RBMS3: variants seen among roughly 807,000 people sequenced by gnomAD.
RBMS3 encodes the protein RNA binding motif single stranded interacting protein 3.
RBMS3 carries 27 observed loss-of-function variants against 66.8 expected under a neutral mutation model. That is an observed-to-expected ratio of 0.40 (90% CI 0.30 to 0.56). RBMS3 has a LOEUF of 0.56. Ranked by LOEUF, RBMS3 falls within the 20% of genes least tolerant of loss-of-function variation. RBMS3 has a pLI of 0.40. For synonymous variants in RBMS3, 188 were observed against 183.0 expected, an observed-to-expected ratio of 1.03 and a Z score of -0.22; for missense variants, 513 against 549.5, an observed-to-expected ratio of 0.93 and a Z score of 0.66.
intron 3 of RBMS3, among the ~76,000 whole-genome samples, chr3:29,510,706 A>C (rs2044365041): frequency 6.6e-6 from 1 of 152,172 alleles, no homozygotes; most frequent in African/African-American, 2.4e-5. Context: ...AAACATTTCA[A>C]ATTTTAGAGC....
chr3:29,355,597 T>C (rs1357668317), intron 1 of RBMS3, among the ~76,000 whole-genome samples: 1 of 152,038 alleles, frequency 6.6e-6, no homozygotes, highest in Non-Finnish European at 1.5e-5. Flanking sequence ...ACCTGTTTAA[T>C]TGGGAAATAT....
At position 29,587,151 on chromosome 3, in the gene RBMS3, A is replaced by G; in HGVS notation, c.345A>G (p.Ala115=). 6.2e-7 allele frequency: 1 copy of G among 1,609,858 alleles called. No homozygotes were observed. The highest frequency in any genetic ancestry group is 8.5e-7 in the Non-Finnish European group (1 of 1,178,694). Residue 115 remains alanine, a synonymous_variant, in exon 4 of 15, where the codon GCA becomes GCG. Coordinates refer to ENST00000383767, the MANE Select transcript of RBMS3 (RefSeq NM_001003793.3). ...TAGATTTTGACAGTCCTGCAGCCGCACAGAAAGCGGTAGCATCTCTCAAGG... is the reference window on the plus strand; with the variant it reads ...TAGATTTTGACAGTCCTGCAGCCGCGCAGAAAGCGGTAGCATCTCTCAAGG... ...GFVDFDSPAA[A]QKAVASLKAN... is the part of the protein sequence containing the mutation.
chr3:29,780,222 CT>C (rs930362142), intron 6 of RBMS3, among the ~76,000 whole-genome samples: 4 of 151,520 alleles, frequency 2.6e-5, no homozygotes, highest in African/African-American at 9.7e-5. Context: ...AGATATGCCC[CT>C]GAGCGCTTTG....
intron 14 of RBMS3, among the ~76,000 whole-genome samples, chr3:29,991,939 G>GA (rs1220382074): frequency 6.6e-6 from 1 of 152,120 alleles, no homozygotes; most frequent in African/African-American, 2.4e-5. Flanking sequence ...AATTACTCTT[G>GA]AAAATCCTTA....
At chr3:29,921,026 A>G (rs2060763065) in intron 10 of RBMS3, among the ~76,000 whole-genome samples, 1 of 152,074 alleles carries the variant, frequency 6.6e-6, no homozygotes, top group Non-Finnish European at 1.5e-5. Flanking sequence ...TAGCCTATGA[A>G]GAAATCATGG....
chr3:29,400,091 T>C (rs1289272568), intron 1 of RBMS3, among the ~76,000 whole-genome samples: 1 of 152,088 alleles, frequency 6.6e-6, no homozygotes, highest in Non-Finnish European at 1.5e-5. Context: ...CAGTAATAAA[T>C]TTTTTAAATG....
intron 3 of RBMS3, among the ~76,000 whole-genome samples, chr3:29,505,521 TGTTTG>T (rs2044151817): frequency 6.7e-6 from 1 of 150,142 alleles, no homozygotes; most frequent in African/African-American, 2.5e-5. Context: ...TTTTTTTTGT[TGTTTG>T]TTTGTTTGTT....
intron 4 of RBMS3, among the ~76,000 whole-genome samples, chr3:29,615,652 G>A (rs1356148433): frequency 6.6e-6 from 1 of 152,076 alleles, no homozygotes; most frequent in Non-Finnish European, 1.5e-5. Flanking sequence ...GAGGTAAAAA[G>A]ACTACTTGAG....
chr3:29,801,360 T>C (rs2057384398), intron 6 of RBMS3, among the ~76,000 whole-genome samples: 1 of 149,628 alleles, frequency 6.7e-6, no homozygotes, highest in Non-Finnish European at 1.5e-5. Flanking sequence ...CTCTGCCTCC[T>C]GGGCTCAAGC....
At chr3:29,997,380 T>A (rs2125392146) in intron 14 of RBMS3, among the ~76,000 whole-genome samples, 1 of 149,562 alleles carries the variant, frequency 6.7e-6, no homozygotes, top group African/African-American at 2.5e-5. Flanking sequence ...ACTATTCCAA[T>A]CAACAGAAAA....
At chr3:29,751,873 C>A (rs2055199031) in intron 5 of RBMS3, among the ~76,000 whole-genome samples, 1 of 152,150 alleles carries the variant, frequency 6.6e-6, no homozygotes, top group South Asian at 2.1e-4. Context: ...TGGGTGCCTG[C>A]AGGAACAAAC....
intron 3 of RBMS3, among the ~76,000 whole-genome samples, chr3:29,531,365 C>T (rs1352528429): frequency 3.3e-5 from 5 of 152,202 alleles, no homozygotes; most frequent in Admixed American, 6.5e-5. Flanking sequence ...AGTCAGGCTT[C>T]AACCATGAGA....
chr3:29,567,305 T>G (rs1197574666), intron 3 of RBMS3, among the ~76,000 whole-genome samples: 1 of 151,980 alleles, frequency 6.6e-6, no homozygotes, highest in Non-Finnish European at 1.5e-5. Flanking sequence ...TTTCCAGGAG[T>G]TGATAAATGA....
intron 12 of RBMS3, among the ~76,000 whole-genome samples, chr3:29,972,296 T>C (rs1697279663): frequency 6.6e-6 from 1 of 152,116 alleles, no homozygotes; most frequent in Non-Finnish European, 1.5e-5. Flanking sequence ...TGTACTCACA[T>C]GGATAGAGTA....
At chr3:29,814,394 T>G (rs28656351) in intron 6 of RBMS3, among the ~76,000 whole-genome samples, 12,181 of 152,236 alleles carry the variant, frequency 0.08, 574 homozygotes, top group African/African-American at 0.13. Flanking sequence ...AGTATTTTAT[T>G]GAGGATTTTT....
chr3:29,894,181 C>T (rs1293327569), intron 8 of RBMS3, among the ~76,000 whole-genome samples: 2 of 151,436 alleles, frequency 1.3e-5, no homozygotes, highest in Non-Finnish European at 3.0e-5. Flanking sequence ...AGGCTCTCTT[C>T]CCCTGATTGT....
At chr3:29,495,772 T>C (rs1265891971) in intron 3 of RBMS3, among the ~76,000 whole-genome samples, 1 of 152,086 alleles carries the variant, frequency 6.6e-6, no homozygotes, top group African/African-American at 2.4e-5. Flanking sequence ...GGCAGGATAT[T>C]ATATTTTGTT....
At chr3:29,339,435 G>GA (rs2036152444) in intron 1 of RBMS3, among the ~76,000 whole-genome samples, 1 of 152,134 alleles carries the variant, frequency 6.6e-6, no homozygotes. Flanking sequence ...CTGAATTTCT[G>GA]ATATTTTGTT....
intron 12 of RBMS3, among the ~76,000 whole-genome samples, chr3:29,978,164 A>G (rs1270315691): frequency 6.6e-6 from 1 of 152,170 alleles, no homozygotes; most frequent in African/African-American, 2.4e-5. Context: ...TTGCAGAGAA[A>G]GTTCAGAGTT....
Sources: allele counts gnomAD v4.1 joint callset (sites outside exome capture counted in the v4.1 genomes callset), GRCh38; gene constraint gnomAD v4.1.1; transcripts MANE v1.5; gene names NCBI Gene and HGNC (gene_info 2026-07-23, HGNC 2026-07-21).